The following OTUD7A variants were observed in gnomAD, a reference collection of about 807,000 sequenced individuals.
The protein encoded by OTUD7A is OTU deubiquitinase 7A.
OTUD7A carries 12 observed loss-of-function variants against 65.7 expected under a neutral mutation model. The observed-to-expected ratio is 0.18, with a 90% CI of 0.12 to 0.30. The LOEUF is 0.30. Ranked by LOEUF, OTUD7A falls within the 10% of genes least tolerant of loss-of-function variation. The pLI is 1.00. For missense variants in OTUD7A, 1,148 were observed against 1,304.8 expected (o/e 0.88, Z 1.85); for synonymous variants, 641 against 586.3 (o/e 1.09, Z -1.35).
intron 3 of OTUD7A, among the ~76,000 whole-genome samples, chr15:31,612,261 A>G (rs1890448714): frequency 2.0e-5 from 3 of 152,152 alleles, no homozygotes; most frequent in Non-Finnish European, 4.4e-5. Context: ...CACTCTCACT[A>G]CTCTTCTTCA....
In OTUD7A at chr15:31,481,979, G is replaced by C. The variant is rs975528753; in HGVS notation, c.*1315C>G. On this transcript the variant is annotated 3_prime_UTR_variant, in exon 13 of 13. Transcript: ENST00000307050. ...TTTACCCATCTTATCCTCATTTCTT[G>C]GAAACAAGCTCGTTCCTTAGTGAGG... is the stretch of plus-strand genomic sequence containing the variant. The C allele has an allele frequency of 2.0e-5, 3 of 152,132 alleles. No individual in the cohort carries two copies. The allele number at this position is 152,132 out of a possible 1,614,324, so 9.4% of individuals were successfully genotyped here. A position where few individuals can be genotyped will look rare whatever the true frequency, so the allele number is the denominator to read the frequency against.
chr15:31,589,483 T>C (rs1889654907), intron 3 of OTUD7A, among the ~76,000 whole-genome samples: 2 of 148,948 alleles, frequency 1.3e-5, no homozygotes, highest in African/African-American at 5.0e-5. Flanking sequence ...TTTTTTTTTC[T>C]GTAGAGACGG....
chr15:31,779,188 A>C (rs1895470248), intron 1 of OTUD7A, among the ~76,000 whole-genome samples: 1 of 152,174 alleles, frequency 6.6e-6, no homozygotes, highest in African/African-American at 2.4e-5. Context: ...ATTTAACCAA[A>C]AGGCCAAGGG....
At chr15:31,548,621 G>A (rs572276343) in intron 5 of OTUD7A, among the ~76,000 whole-genome samples, 4 of 152,200 alleles carry the variant, frequency 2.6e-5, no homozygotes, top group African/African-American at 9.6e-5. Flanking sequence ...CAGCCGATGT[G>A]AGATCTGGAC....
At chr15:31,802,381 C>G (rs34549533) in intron 1 of OTUD7A, among the ~76,000 whole-genome samples, 1 of 151,664 alleles carries the variant, frequency 6.6e-6, no homozygotes, top group Non-Finnish European at 1.5e-5. Context: ...TCTAGCCACA[C>G]TGGCAGCTGA....
intron 1 of OTUD7A, chr15:31,767,733 C>G: frequency 1.4e-6 from 1 of 711,846 alleles, no homozygotes; most frequent in South Asian, 1.5e-5. Context: ...ATTTTCTCGG[C>G]ATTTTCCTGA....
rs2041120046 is a variant in OTUD7A at position 31,481,582 on chromosome 15, A to T, written c.*1712T>A. 6.6e-6 allele frequency: 1 copy of T among 152,246 alleles called. No individual in the cohort carries two copies. The allele number at this position is 152,246 out of a possible 1,614,324, so 9.4% of individuals were successfully genotyped here. On this transcript the variant is annotated 3_prime_UTR_variant, in exon 13 of 13. Transcript: ENST00000307050. ...AAAAATTTCTTAAAGATCCTATTTAATAAATAATTTTTGATTTAAGGAACC... is the reference window on the plus strand; with the variant it reads ...AAAAATTTCTTAAAGATCCTATTTATTAAATAATTTTTGATTTAAGGAACC...
chr15:31,860,687 A>ATATATATATATATATG (rs1897711766), intron 1 of OTUD7A, among the ~76,000 whole-genome samples: 1 of 124,506 alleles, frequency 8.0e-6, no homozygotes, highest in Non-Finnish European at 1.7e-5. Context: ...GTATATATAT[A>ATATATATATATATATG]TATATATATA....
intron 3 of OTUD7A, among the ~76,000 whole-genome samples, chr15:31,635,715 G>A (rs1419587942): frequency 1.3e-5 from 2 of 152,252 alleles, no homozygotes; most frequent in African/African-American, 4.8e-5. Flanking sequence ...TGTAACTGGA[G>A]GTTAAATGTG....
rs1262951024 is a variant in OTUD7A, at chr15:31,669,340, T to TG, written c.-99-12264dup. Among the ~76,000 whole-genome samples, 32 of 152,150 alleles carry TG rather than the reference T, an allele frequency of 2.1e-4. 1 individual carries two copies. The highest frequency in any genetic ancestry group is 4.1e-4 in the South Asian group (2 of 4,820). ...GTCTTGCTGAGGCTGCTGTGGGGGA[T>TG]GGGGGTGAGGTTCCCAGGTCAATGG... On this transcript the variant is annotated intron_variant, in intron 1 of 12. Coordinates refer to ENST00000307050, the MANE Select transcript of OTUD7A (RefSeq NM_001382637.1).
At chr15:31,540,513 T>C (rs1028441278) in intron 5 of OTUD7A, among the ~76,000 whole-genome samples, 2 of 152,188 alleles carry the variant, frequency 1.3e-5, no homozygotes, top group African/African-American at 4.8e-5. Flanking sequence ...TTCTTAGCAG[T>C]GTGGTGTTGG....
chr15:31,767,919 C>G, intron 1 of OTUD7A: 1 of 1,527,352 alleles, frequency 6.5e-7, no homozygotes, highest in Non-Finnish European at 9.1e-7. Context: ...TTGTTATCAT[C>G]AACATTTTCT....
intron 1 of OTUD7A, among the ~76,000 whole-genome samples, chr15:31,829,230 C>G (rs1896872093): frequency 1.3e-5 from 2 of 152,212 alleles, no homozygotes; most frequent in Admixed American, 1.3e-4. Context: ...AGACCTGGGA[C>G]AGGGTCTGCT....
Position 31,482,391 on chromosome 15 carries a change from C to A in OTUD7A, c.*903G>T, listed in dbSNP as rs2041138642. ...GTCAATTCCTCGCTGTCTCCCGGGG[C>A]ACCGATGGTCACCGCCCAGGGGCCC... On this transcript the variant is annotated 3_prime_UTR_variant, in exon 13 of 13. Coordinates refer to ENST00000307050, the MANE Select transcript of OTUD7A (RefSeq NM_001382637.1). The A allele has an allele frequency of 6.6e-6, 1 of 152,344 alleles. No individual in the cohort carries two copies. Among genetic ancestry groups the A allele is most frequent in the African/African-American group, 2.4e-5 (1 of 41,476 alleles). 9.4% of individuals were successfully genotyped at this position (152,344 alleles called of 1,614,324 possible). A position where few individuals can be genotyped will look rare whatever the true frequency, so the allele number is the denominator to read the frequency against.
At position 31,483,826 on chromosome 15, in the gene OTUD7A, C is replaced by T. The variant is rs1222388645; in HGVS notation, c.2270G>A (p.Arg757Gln). The T allele has an allele frequency of 6.1e-6, 6 of 990,446 alleles. No homozygotes were observed. Among genetic ancestry groups the T allele is most frequent in the Non-Finnish European group, 7.2e-6 (6 of 835,016 alleles). 61.4% of individuals were successfully genotyped at this position (990,446 alleles called of 1,614,324 possible). Residue 757 changes from arginine to glutamine, a missense_variant, in exon 13 of 13, where the codon CGG becomes CAG. Arg to Gln is a conservative substitution (Grantham distance 43). This residue lies in a region of OTUD7A where 842 missense variants were observed against 769.5 expected (regional missense o/e 1.09). Transcript: ENST00000307050. ...CACTGGTCCGCTGGCGCTCGCACGC[C>T]GCGCGCCTCCCCCCGGGGAGGCCGT... ...GGTASPGGGA[R>Q]RASASGPVPG...
chr15:31,860,177 A>G (rs1436686577), intron 1 of OTUD7A, among the ~76,000 whole-genome samples: 2 of 152,140 alleles, frequency 1.3e-5, no homozygotes, highest in Non-Finnish European at 2.9e-5. Flanking sequence ...TGAAACTATA[A>G]TTCTTCTTTG....
chr15:31,598,933 G>A (rs756422238), intron 3 of OTUD7A, among the ~76,000 whole-genome samples: 12 of 152,110 alleles, frequency 7.9e-5, no homozygotes, highest in African/African-American at 1.7e-4. Flanking sequence ...CAGCAAGGCC[G>A]CCGTGGCCAG....
chr15:31,570,186 C>T lies in OTUD7A; in HGVS notation c.163G>A (p.Asp55Asn). Residue 55 changes from aspartate (D) to asparagine (N), a missense_variant, in exon 4 of 13, where the codon GAC (aspartate) becomes AAC (asparagine). Physicochemically the swap from Asp to Asn is conservative, Grantham distance 23 (BLOSUM62 1). Transcript: ENST00000307050. ...ARDLLEGKNW[D>N]LTAALSDYEQ... is the part of the protein sequence containing the mutation. ...TAGTCGCTCAGAGCGGCTGTCAGGTCCCAGTTTTTGCCTGTGGACAAGAAA... is the reference window on the plus strand; with the variant it reads ...TAGTCGCTCAGAGCGGCTGTCAGGTTCCAGTTTTTGCCTGTGGACAAGAAA... The T allele has an allele frequency of 6.2e-7, 1 of 1,614,030 alleles. No homozygotes were observed. The highest frequency in any genetic ancestry group is 8.5e-7 in the Non-Finnish European group (1 of 1,179,954).
At chr15:31,652,125 TA>T (rs1469749356) in intron 3 of OTUD7A, among the ~76,000 whole-genome samples, 3 of 152,080 alleles carry the variant, frequency 2.0e-5, no homozygotes, top group Non-Finnish European at 4.4e-5. Flanking sequence ...ACAATGTTGA[TA>T]AAAGAACAGA....
Sources: allele counts gnomAD v4.1 joint callset (sites outside exome capture counted in the v4.1 genomes callset), GRCh38; gene constraint gnomAD v4.1.1; regional missense constraint gnomAD v4.1.1; transcripts MANE v1.5; gene names NCBI Gene and HGNC (gene_info 2026-07-23, HGNC 2026-07-21).